The following PRTFDC1 variants were observed in gnomAD, a reference collection of about 807,000 sequenced individuals.
PRTFDC1 encodes phosphoribosyl transferase domain containing 1.
PRTFDC1 carries 38 observed loss-of-function variants against 34.6 expected under a neutral mutation model. That is an observed-to-expected ratio of 1.10 (90% CI 0.85 to 1.44). PRTFDC1 has a LOEUF of 1.44. PRTFDC1 is among the 40% of genes most tolerant of loss of function. PRTFDC1 has a pLI of 0.00. For missense variants in PRTFDC1, 270 were observed against 283.0 expected (o/e 0.95, Z 0.33); for synonymous variants, 93 against 98.1 (o/e 0.95, Z 0.31).
At chr10:24,925,419 T>A (rs1484618775) in intron 3 of PRTFDC1, among the ~76,000 whole-genome samples, 1 of 152,118 alleles carries the variant, frequency 6.6e-6, no homozygotes, top group Non-Finnish European at 1.5e-5. Context: ...CATGTATACC[T>A]ATGTAACAAA....
intron 5 of PRTFDC1, among the ~76,000 whole-genome samples, chr10:24,857,273 C>T (rs1415132484): frequency 6.6e-6 from 1 of 152,152 alleles, no homozygotes; most frequent in South Asian, 2.1e-4. Context: ...TAGGACTCCT[C>T]GTTGAGTACA....
chr10:24,916,706 C>CT (rs1318640674), intron 3 of PRTFDC1, among the ~76,000 whole-genome samples: 2 of 152,202 alleles, frequency 1.3e-5, no homozygotes, highest in South Asian at 4.1e-4. Context: ...CCAGCCTACT[C>CT]TGTCTCTTTT....
chr10:24,912,268 CAAAAAAAAAAA>C (rs58294462), intron 3 of PRTFDC1, among the ~76,000 whole-genome samples: 2 of 53,944 alleles, frequency 3.7e-5, no homozygotes, highest in South Asian at 1.3e-3. Context: ...GACTTCATCT[CAAAAAAAAAAA>C]AAAAAAAAAA....
intron 4 of PRTFDC1, 30 bp downstream of exon 4, chr10:24,871,968 T>A (rs747435645): frequency 1.3e-6 from 2 of 1,577,704 alleles, no homozygotes; most frequent in Admixed American, 1.7e-5. Flanking sequence ...CAGACCTCAA[T>A]GCGGTCTGAG....
At chr10:24,867,798 G>C (rs931882891) in intron 4 of PRTFDC1, 1 of 144,852 alleles carries the variant, frequency 6.9e-6, no homozygotes, top group South Asian at 2.2e-4. Flanking sequence ...GTTTTTGTAG[G>C]TTTAATTTTT....
intron 3 of PRTFDC1, among the ~76,000 whole-genome samples, chr10:24,911,876 A>G (rs1341803076): frequency 2.0e-5 from 3 of 151,422 alleles, no homozygotes; most frequent in Admixed American, 6.6e-5. Flanking sequence ...CAAAAAAAAC[A>G]AAACAAACAA....
intron 4 of PRTFDC1, among the ~76,000 whole-genome samples, chr10:24,858,774 G>A (rs1847624535): frequency 6.6e-6 from 1 of 152,158 alleles, no homozygotes; most frequent in African/African-American, 2.4e-5. Flanking sequence ...AATGCAACAT[G>A]AACTGCATTG....
intron 3 of PRTFDC1, among the ~76,000 whole-genome samples, chr10:24,925,503 A>C (rs2132590055): frequency 6.6e-6 from 1 of 152,336 alleles, no homozygotes; most frequent in South Asian, 2.1e-4. Flanking sequence ...TTCCTTTATA[A>C]ATTACCCAGT....
In PRTFDC1 at chr10:24,908,307, T is replaced by A. The variant is rs1225018800; in HGVS notation, c.339+28877A>T. The A allele has an allele frequency of 2.8e-5, 20 of 701,950 alleles. No homozygotes were observed. The East Asian group carries it at 5.7e-4, about 20-fold the overall frequency. The allele number at this position is 701,950 out of a possible 1,614,324, so 43.5% of individuals were successfully genotyped here. ...GAACTAGAAGACTACCACATTGTAT[T>A]TCAAGGCAATATTTTTATCCAGCAT... is the stretch of plus-strand genomic sequence containing the variant. On this transcript the variant is annotated intron_variant, in intron 3 of 8. Transcript: ENST00000320152.
At chr10:24,874,874 TG>T (rs1335896465) in intron 3 of PRTFDC1, among the ~76,000 whole-genome samples, 2 of 152,224 alleles carry the variant, frequency 1.3e-5, no homozygotes, top group Non-Finnish European at 2.9e-5. Context: ...AAATGAATCA[TG>T]GAGGCAGTTA....
chr10:24,946,006 G>C (rs1247893843), intron 1 of PRTFDC1, among the ~76,000 whole-genome samples: 1 of 152,136 alleles, frequency 6.6e-6, no homozygotes, highest in South Asian at 2.1e-4. Context: ...CTGGCCCCAG[G>C]CCCCAGGGGG....
At chr10:24,919,273 A>G (rs189730848) in intron 3 of PRTFDC1, among the ~76,000 whole-genome samples, 32 of 152,332 alleles carry the variant, frequency 2.1e-4, no homozygotes, top group Admixed American at 5.2e-4. Context: ...TGGTACAAGT[A>G]CAAAAACAGA....
At position 24,849,025 on chromosome 10, in the gene PRTFDC1, C is replaced by T. The variant is rs756124651; in HGVS notation, c.*819G>A. ...GGAAAAATTTATACTTGCTTAGTTT[C>T]GAGCATTGAAAGCACTCGCCCCTAA... is the stretch of plus-strand genomic sequence containing the variant. On this transcript the variant is annotated 3_prime_UTR_variant, in exon 9 of 9. Coordinates refer to ENST00000320152, the MANE Select transcript of PRTFDC1 (RefSeq NM_020200.7). 6.6e-6 allele frequency: 1 copy of T among 152,120 alleles called. No individual in the cohort carries two copies. Among genetic ancestry groups the T allele is most frequent in the South Asian group, 2.1e-4 (1 of 4,822 alleles). 9.4% of individuals were successfully genotyped at this position (152,120 alleles called of 1,614,324 possible).
rs537812606 is a variant in PRTFDC1 at position 24,906,204 on chromosome 10, A to G, written c.339+30980T>C. ...GACATTGCTTTCTCAATGCTTTCTC[A>G]TTGCTTTCTCTGACTCCCCATCTCC... On this transcript the variant is annotated intron_variant, in intron 3 of 8. Coordinates refer to ENST00000320152, the MANE Select transcript of PRTFDC1 (RefSeq NM_020200.7). 5.9e-5 allele frequency among the ~76,000 whole-genome samples: 9 copies of G among 152,198 alleles called. No homozygotes were observed. The South Asian group carries it at 8.3e-4, about 14-fold the overall frequency.
At chr10:24,944,267 TC>T (rs1194897426) in intron 1 of PRTFDC1, among the ~76,000 whole-genome samples, 4 of 152,184 alleles carry the variant, frequency 2.6e-5, no homozygotes, top group Admixed American at 1.3e-4. Context: ...TGTCACTGAC[TC>T]CTTTCTTTCA....
chr10:24,878,693 C>T (rs1848012149), intron 3 of PRTFDC1, among the ~76,000 whole-genome samples: 1 of 152,100 alleles, frequency 6.6e-6, no homozygotes, highest in Non-Finnish European at 1.5e-5. Context: ...ACCAAACAGA[C>T]AATTTGGACT....
chr10:24,876,242 C>G (rs770147588), intron 3 of PRTFDC1, among the ~76,000 whole-genome samples: 13 of 151,826 alleles, frequency 8.6e-5, no homozygotes, highest in Non-Finnish European at 1.6e-4. Flanking sequence ...ACAAAAAACC[C>G]AACAAACCCA....
chr10:24,944,331 C>T (rs1849218730), intron 1 of PRTFDC1, among the ~76,000 whole-genome samples: 1 of 152,174 alleles, frequency 6.6e-6, no homozygotes, highest in Non-Finnish European at 1.5e-5. Flanking sequence ...CGAAATTTAT[C>T]CAGGACTACC....
intron 3 of PRTFDC1, among the ~76,000 whole-genome samples, chr10:24,921,704 T>C (rs1281204518): frequency 8.1e-6 from 1 of 123,058 alleles, no homozygotes; most frequent in Non-Finnish European, 1.7e-5. Flanking sequence ...AGTTCATTTC[T>C]GTTCTCTAGG....
Sources: gnomAD v4.1 joint callset for allele counts (sites outside exome capture counted in the v4.1 genomes callset) on GRCh38, gnomAD v4.1.1 for gene constraint, MANE v1.5 for transcripts, NCBI Gene and HGNC (gene_info 2026-07-23, HGNC 2026-07-21) for gene names.